DST: variants seen among roughly 807,000 people sequenced by gnomAD.
DST encodes the protein dystonin, also known as bullous pemphigoid antigen.
A neutral mutation model predicts 875.2 loss-of-function variants in DST; 253 were observed. That is an observed-to-expected ratio of 0.29 (90% confidence interval 0.26 to 0.32). The LOEUF (loss-of-function observed/expected upper bound fraction) is 0.32, where lower values mean the gene tolerates loss of function less well. Among genes scored for constraint, DST ranks in the 10% least tolerant of loss-of-function variants. The pLI is 1.00. For synonymous variants in DST, 3,124 were observed against 3,197.1 expected, an observed-to-expected ratio of 0.98 and a Z score of 0.77; for missense variants, 8,287 against 9,111.6, an observed-to-expected ratio of 0.91 and a Z score of 3.68.
At chr6:56,695,126 C>CAAAAAAA (rs34456344) in intron 9 of DST, among the ~76,000 whole-genome samples, 8 of 70,056 alleles carry the variant, frequency 1.1e-4, no homozygotes, top group African/African-American at 4.4e-4. Flanking sequence ...GACTCCCTCT[C>CAAAAAAA]AAAAAAAAAA....
chr6:56,791,510 G>A (rs2099723600), intron 4 of DST, among the ~76,000 whole-genome samples: 1 of 152,150 alleles, frequency 6.6e-6, no homozygotes. Context: ...TACCCAGCCA[G>A]GTGCAGTGGT....
intron 5 of DST, among the ~76,000 whole-genome samples, chr6:56,706,760 G>A (rs1361869963): frequency 1.3e-5 from 2 of 152,098 alleles, no homozygotes; most frequent in Non-Finnish European, 2.9e-5. Flanking sequence ...CCAGCACTTT[G>A]GAGGCCAAGG....
intron 3 of DST, among the ~76,000 whole-genome samples, chr6:56,896,707 A>G (rs974330201): frequency 6.6e-6 from 1 of 152,224 alleles, no homozygotes; most frequent in Non-Finnish European, 1.5e-5. Context: ...TTGCCTGATC[A>G]TTAGTGAAGT....
chr6:56,732,243 TAC>T (rs2099502080), intron 5 of DST, among the ~76,000 whole-genome samples: 1 of 152,194 alleles, frequency 6.6e-6, no homozygotes, highest in Non-Finnish European at 1.5e-5. Context: ...TAGAGTGGCA[TAC>T]ACTTGGTTAA....
chr6:56,843,621 A>G, intron 4 of DST: 2 of 983,194 alleles, frequency 2.0e-6, no homozygotes, highest in Middle Eastern at 1.0e-3. Context: ...CGCTGCCTTC[A>G]CCGGGGATGC....
chr6:56,712,090 C>CAA lies in DST; in HGVS notation c.688-7723_688-7722dup, dbSNP rs34769867. Among the ~76,000 whole-genome samples the CAA allele has an allele frequency of 1.8e-3, 138 of 76,544 alleles. 1 individual carries two copies. Among genetic ancestry groups the CAA allele is most frequent in the African/African-American group, 3.5e-3 (92 of 26,110 alleles). The allele number at this position is 76,544 out of a possible 152,430, so 50.2% of individuals were successfully genotyped here. A position where few individuals can be genotyped will look rare whatever the true frequency, so the allele number is the denominator to read the frequency against. On this transcript the variant is annotated intron_variant, in intron 5 of 103. Coordinates refer to ENST00000680361, the MANE Select transcript of DST (RefSeq NM_001374736.1). ...TGGGCGACAGAGCGAGACTCCGTCT[C>CAA]AAAAAAAAAAAAAAAATAGGAGGAG...
At chr6:56,871,499 A>G (rs1777072754) in intron 3 of DST, 1 of 1,520,206 alleles carries the variant, frequency 6.6e-7, no homozygotes, top group South Asian at 1.1e-5. Context: ...GTGATGCTGA[A>G]CTTAAGGGCT....
At chr6:56,874,938 AC>A (rs1778976504) in intron 3 of DST, among the ~76,000 whole-genome samples, 1 of 151,602 alleles carries the variant, frequency 6.6e-6, no homozygotes, top group Admixed American at 6.6e-5. Context: ...CCTTCTAACA[AC>A]TCCTGACTGA....
Position 56,635,713 on chromosome 6 carries a change from A to C in DST, c.3062T>G (p.Phe1021Cys). The C allele has an allele frequency of 1.2e-6, 2 of 1,613,626 alleles. No individual in the cohort carries two copies. The highest frequency in any genetic ancestry group is 1.7e-6 in the Non-Finnish European group (2 of 1,179,862). The change falls in exon 24 of 104, where the codon TTT becomes TGT. Residue 1021 changes from phenylalanine (F) to cysteine (C), a missense_variant and splice_region_variant. By Grantham distance (205) the Phe-to-Cys change is radical (BLOSUM62 -2). This residue lies in a region of DST where 1,160 missense variants were observed against 1,424.3 expected (regional missense o/e 0.81). Coordinates refer to ENST00000680361, the MANE Select transcript of DST (RefSeq NM_001374736.1). The stretch of plus-strand genomic sequence containing the variant: ...AGTAGCTTCTTTGGCATCATTGAAA[A>C]ACTAAGGAAAGATGAAACCTGGAAG... Reference protein sequence around the residue: ...HIKENTAYFEFFNDAKEATDY... With the variant: ...HIKENTAYFECFNDAKEATDY...
intron 4 of DST, among the ~76,000 whole-genome samples, chr6:56,849,966 T>G (rs1239195144): frequency 6.6e-6 from 1 of 152,146 alleles, no homozygotes; most frequent in Non-Finnish European, 1.5e-5. Context: ...AAACATCTGG[T>G]ATGGGCAGTG....
At chr6:56,692,660 T>C in intron 9 of DST, 1 of 1,289,822 alleles carries the variant, frequency 7.8e-7, no homozygotes, top group Non-Finnish European at 1.0e-6. Context: ...TCGCTTGTGT[T>C]GACATCATCT....
At chr6:56,477,089 G>A (rs1207926052) in intron 91 of DST, among the ~76,000 whole-genome samples, 1 of 152,150 alleles carries the variant, frequency 6.6e-6, no homozygotes, top group Non-Finnish European at 1.5e-5. Flanking sequence ...GTGGAAGGAG[G>A]CCAAAATGTT....
At chr6:56,506,868 G>C in intron 75 of DST, 79 bp from the exon 76 acceptor site, 1 of 1,356,026 alleles carries the variant, frequency 7.4e-7, no homozygotes, top group South Asian at 2.1e-5. Context: ...CAATATCAAT[G>C]GTAGTTATTT....
intron 4 of DST, among the ~76,000 whole-genome samples, chr6:56,835,440 T>C (rs2099792471): frequency 6.6e-6 from 1 of 152,150 alleles, no homozygotes; most frequent in South Asian, 2.1e-4. Flanking sequence ...TGAGAAACTA[T>C]GGGGGAGGAA....
chr6:56,776,381 T>C (rs1432387441), intron 4 of DST, among the ~76,000 whole-genome samples: 1 of 152,150 alleles, frequency 6.6e-6, no homozygotes, highest in Non-Finnish European at 1.5e-5. Flanking sequence ...AAAAGGACGT[T>C]AGGGAAGAAC....
chr6:56,616,440 C>G (rs780676082), intron 36 of DST: 1 of 1,614,086 alleles, frequency 6.2e-7, no homozygotes, highest in South Asian at 1.1e-5. Flanking sequence ...GTTTTAGTAT[C>G]TACTACAGAA....
rs5876515 is a variant in DST at position 56,516,132 on chromosome 6, G to GGA, written c.18358-466_18358-465dup. On this transcript the variant is annotated intron_variant, in intron 71 of 103. Coordinates refer to ENST00000680361, the MANE Select transcript of DST (RefSeq NM_001374736.1). ...TATATATATATAGAAAGAGAGAGAGGGAGAGAGAGAGAGAGAAAGAGAAAG... is the reference window on the plus strand; with the variant it reads ...TATATATATATAGAAAGAGAGAGAGGGAGAGAGAGAGAGAGAGAAAGAGAAAG... 9.8e-3 allele frequency among the ~76,000 whole-genome samples: 1,429 copies of GGA among 146,160 alleles called. 27 individuals are homozygous for GGA. The highest frequency in any genetic ancestry group is 0.033 in the African/African-American group (1,322 of 40,000).
chr6:56,482,656 C>A, intron 89 of DST, 27 bp downstream of exon 89: 1 of 1,598,340 alleles, frequency 6.3e-7, no homozygotes, highest in Non-Finnish European at 8.5e-7. Flanking sequence ...TCCCATTACA[C>A]CCAGCTCTCA....
chr6:56,779,117 C>T (rs967105022), intron 4 of DST, among the ~76,000 whole-genome samples: 3 of 152,082 alleles, frequency 2.0e-5, no homozygotes, highest in Non-Finnish European at 4.4e-5. Flanking sequence ...TTTTGATTTG[C>T]ATTTCTCTGA....
Sources: allele counts gnomAD v4.1 joint callset (sites outside exome capture counted in the v4.1 genomes callset), GRCh38; gene constraint gnomAD v4.1.1; regional missense constraint gnomAD v4.1.1; transcripts MANE v1.5; gene names NCBI Gene and HGNC (gene_info 2026-07-23, HGNC 2026-07-21).